CDH13: variants seen among roughly 807,000 people sequenced by gnomAD.
The protein encoded by CDH13 is cadherin 13.
Under a neutral mutation model 63.8 loss-of-function variants are expected in CDH13, and 24 were observed. That is an observed-to-expected ratio of 0.38 (90% CI 0.27 to 0.53). The LOEUF (loss-of-function observed/expected upper bound fraction) is 0.53. Among genes scored for constraint, CDH13 ranks in the 20% least tolerant of loss-of-function variants. The pLI is 0.85. For missense variants in CDH13, 1,049 were observed against 903.1 expected (o/e 1.16, Z -2.07); for synonymous variants, 503 against 355.3 (o/e 1.42, Z -4.67).
intron 2 of CDH13, among the ~76,000 whole-genome samples, chr16:83,004,777 G>A (rs572072203): frequency 6.6e-6 from 1 of 152,320 alleles, no homozygotes; most frequent in South Asian, 2.1e-4. Context: ...ACAGGAGTGA[G>A]CTACTGTGCC....
intron 6 of CDH13, among the ~76,000 whole-genome samples, chr16:83,346,862 T>G (rs546641757): frequency 6.6e-6 from 1 of 152,320 alleles, no homozygotes; most frequent in East Asian, 1.9e-4. Flanking sequence ...GTTATTCAGT[T>G]AGAGACAGTT....
intron 1 of CDH13, among the ~76,000 whole-genome samples, chr16:82,802,333 A>G (rs548206826): frequency 6.6e-6 from 1 of 152,314 alleles, no homozygotes; most frequent in South Asian, 2.1e-4. Flanking sequence ...ACAGATAACC[A>G]GGAGTCGACC....
intron 4 of CDH13, among the ~76,000 whole-genome samples, chr16:83,159,901 C>G (rs1295900069): frequency 6.6e-6 from 1 of 151,974 alleles, no homozygotes; most frequent in African/African-American, 2.4e-5. Flanking sequence ...ATGGCGAAAA[C>G]CCGTATCTAC....
rs535776805 is a variant in CDH13 at position 83,222,694 on chromosome 16, G to A, written c.636+5197G>A. The stretch of plus-strand genomic sequence containing the variant: ...CCCCATTGCTACCTTTCTTAGCCAG[G>A]GTTCTTGGTGGCAGTCAACAAAATC... On this transcript the variant is annotated intron_variant, in intron 5 of 13. Transcript: ENST00000567109. 2.4e-4 allele frequency among the ~76,000 whole-genome samples: 37 copies of A among 152,044 alleles called. 1 individual carries two copies. In the South Asian group the frequency reaches 7.3e-3, roughly 30 times the overall value.
chr16:82,933,298 G>A (rs192471900), intron 2 of CDH13, among the ~76,000 whole-genome samples: 3 of 152,272 alleles, frequency 2.0e-5, no homozygotes, highest in African/African-American at 7.2e-5. Context: ...GGAGAGAGAA[G>A]TGCAGAGCAA....
chr16:83,594,816 C>T (rs1047536443), intron 7 of CDH13, among the ~76,000 whole-genome samples: 4 of 152,154 alleles, frequency 2.6e-5, no homozygotes, highest in South Asian at 2.1e-4. Flanking sequence ...CTGTGCAAAA[C>T]GTCGAGGGTC....
At chr16:83,088,657 A>T (rs556645154) in intron 3 of CDH13, among the ~76,000 whole-genome samples, 3 of 152,210 alleles carry the variant, frequency 2.0e-5, no homozygotes, top group Non-Finnish European at 4.4e-5. Context: ...TCATATAATC[A>T]GAACTTTTCC....
chr16:82,795,342 G>T (rs144710546), intron 1 of CDH13, among the ~76,000 whole-genome samples: 136 of 152,292 alleles, frequency 8.9e-4, no homozygotes, highest in African/African-American at 3.2e-3. Flanking sequence ...ACCACATTCT[G>T]CATCTTAGCA....
chr16:82,933,686 T>C (rs1328115848), intron 2 of CDH13, among the ~76,000 whole-genome samples: 1 of 152,152 alleles, frequency 6.6e-6, no homozygotes, highest in Non-Finnish European at 1.5e-5. Flanking sequence ...GCAAGTTAGG[T>C]ACTTCCTAGA....
intron 6 of CDH13, among the ~76,000 whole-genome samples, chr16:83,395,023 C>A (rs1259045463): frequency 6.6e-6 from 1 of 151,888 alleles, no homozygotes; most frequent in Non-Finnish European, 1.5e-5. Flanking sequence ...TGGTGGGCAC[C>A]TGTAATCCCA....
chr16:83,466,625 TC>T (rs2073323875), intron 6 of CDH13, among the ~76,000 whole-genome samples: 1 of 152,198 alleles, frequency 6.6e-6, no homozygotes, highest in Non-Finnish European at 1.5e-5. Flanking sequence ...ACAGCTCATG[TC>T]CCATGGAATG....
chr16:83,793,831 T>A (rs994210289), intron 13 of CDH13, among the ~76,000 whole-genome samples: 11 of 150,902 alleles, frequency 7.3e-5, no homozygotes, highest in South Asian at 2.1e-4. Flanking sequence ...AAAAAAAAAA[T>A]TTCTCAGATG....
Position 82,662,602 on chromosome 16 carries a change from A to G in CDH13, c.45+35465A>G, listed in dbSNP as rs1421762799. 3.3e-5 allele frequency among the ~76,000 whole-genome samples: 5 copies of G among 152,200 alleles called. No individual in the cohort carries two copies. The East Asian group carries it at 9.6e-4, about 29-fold the overall frequency. ...CCACTATCAGGTCTTGCCCAGGCAT[A>G]CCCTGCTTTTCCTGAATGTCCTGAA... On this transcript the variant is annotated intron_variant, in intron 1 of 13. Transcript: ENST00000567109.
rs138214450 is a variant in CDH13, at chr16:83,585,457, A to G, written c.961-16997A>G. Among the ~76,000 whole-genome samples, 1,055 of 152,258 alleles carry G rather than the reference A, an allele frequency of 6.9e-3. 7 individuals are homozygous for G. Among genetic ancestry groups the G allele is most frequent in the Middle Eastern group, 0.017 (5 of 294 alleles). ...GGGCCCCAGTTTTGATGCATCTACCAGAACAGGGAAGGACTGTGCTTGGCT... is the reference window on the plus strand; with the variant it reads ...GGGCCCCAGTTTTGATGCATCTACCGGAACAGGGAAGGACTGTGCTTGGCT... On this transcript the variant is annotated intron_variant, in intron 7 of 13. Coordinates refer to ENST00000567109, the MANE Select transcript of CDH13 (RefSeq NM_001257.5).
At chr16:83,327,742 G>A (rs758867074) in intron 5 of CDH13, among the ~76,000 whole-genome samples, 3 of 152,168 alleles carry the variant, frequency 2.0e-5, no homozygotes, top group South Asian at 4.1e-4. Context: ...GAGGACAGAC[G>A]TGAATGAAAT....
At chr16:83,079,094 C>A (rs2033055100) in intron 3 of CDH13, among the ~76,000 whole-genome samples, 1 of 152,056 alleles carries the variant, frequency 6.6e-6, no homozygotes, top group African/African-American at 2.4e-5. Flanking sequence ...TGTGCCCGGC[C>A]CAGGTTTTTC....
At chr16:83,626,274 C>T (rs1910293244) in intron 8 of CDH13, among the ~76,000 whole-genome samples, 1 of 152,280 alleles carries the variant, frequency 6.6e-6, no homozygotes, top group South Asian at 2.1e-4. Flanking sequence ...ATGCTAGAGG[C>T]CCCGAGGAAT....
intron 5 of CDH13, among the ~76,000 whole-genome samples, chr16:83,242,416 T>C (rs1904552800): frequency 6.6e-6 from 1 of 150,430 alleles, no homozygotes; most frequent in African/African-American, 2.4e-5. Flanking sequence ...AATAGGTTGG[T>C]CATTTTCTGA....
chr16:83,348,308 G>A (rs2151371079), intron 6 of CDH13, among the ~76,000 whole-genome samples: 1 of 152,364 alleles, frequency 6.6e-6, no homozygotes, highest in African/African-American at 2.4e-5. Context: ...AGTTCTATCA[G>A]ATGAACTGAT....
Sources: gnomAD v4.1 joint callset for allele counts (sites outside exome capture counted in the v4.1 genomes callset) on GRCh38, gnomAD v4.1.1 for gene constraint, MANE v1.5 for transcripts, NCBI Gene and HGNC (gene_info 2026-07-23, HGNC 2026-07-21) for gene names.